PDE4B: variants seen among roughly 807,000 people sequenced by gnomAD.
PDE4B encodes the protein phosphodiesterase 4B.
A neutral mutation model predicts 82.2 loss-of-function variants in PDE4B; 20 were observed. The ratio of observed to expected loss-of-function variants is 0.24; its 90% CI spans 0.17 to 0.35. The LOEUF (loss-of-function observed/expected upper bound fraction) is 0.35. Among genes scored for constraint, PDE4B ranks in the 10% least tolerant of loss-of-function variants. The probability of loss-of-function intolerance (pLI) is 1.00; values close to 1 mark genes in which losing one functional copy is unlikely to be tolerated. For missense variants in PDE4B, 655 were observed against 907.2 expected (o/e 0.72, Z 3.57); for synonymous variants, 320 against 318.9 (o/e 1.00, Z -0.04).
At chr1:65,865,508 ACCCAGGG>A (rs1452527143) in intron 1 of PDE4B, among the ~76,000 whole-genome samples, 1 of 151,810 alleles carries the variant, frequency 6.6e-6, no homozygotes, top group Non-Finnish European at 1.5e-5. Flanking sequence ...TTTGCTTGAA[ACCCAGGG>A]CCCTGGTGGT....
intron 3 of PDE4B, among the ~76,000 whole-genome samples, chr1:66,038,034 A>G (rs993585390): frequency 6.7e-6 from 1 of 150,346 alleles, no homozygotes; most frequent in African/African-American, 2.5e-5. Context: ...AAAATTGGGG[A>G]CAGTTTTCCA....
chr1:66,224,556 T>G (rs1284041979), intron 3 of PDE4B, among the ~76,000 whole-genome samples: 1 of 152,110 alleles, frequency 6.6e-6, no homozygotes, highest in Non-Finnish European at 1.5e-5. Context: ...CCGTCTCTAC[T>G]AAAACTAAAA....
chr1:65,958,757 C>G (rs1010511667), intron 3 of PDE4B, among the ~76,000 whole-genome samples: 1 of 149,224 alleles, frequency 6.7e-6, no homozygotes, highest in Non-Finnish European at 1.5e-5. Flanking sequence ...CACGCGCGCG[C>G]GCGCGCGCAC....
intron 12 of PDE4B, among the ~76,000 whole-genome samples, chr1:66,363,781 TA>T (rs915487620): frequency 6.6e-6 from 1 of 151,678 alleles, no homozygotes; most frequent in Non-Finnish European, 1.5e-5. Flanking sequence ...AAAATAAAAA[TA>T]AAAAAAATTT....
chr1:65,865,288 A>G (rs547958979), intron 1 of PDE4B, among the ~76,000 whole-genome samples: 4 of 152,218 alleles, frequency 2.6e-5, no homozygotes, highest in Admixed American at 1.3e-4. Flanking sequence ...TGAGAATTTC[A>G]AGCCAGTGGT....
chr1:65,888,009 A>G lies in PDE4B; in HGVS notation c.-70-25236A>G, dbSNP rs572149860. 2.6e-5 allele frequency among the ~76,000 whole-genome samples: 4 copies of G among 152,260 alleles called. No individual in the cohort carries two copies. In the South Asian group the frequency reaches 8.3e-4, roughly 32 times the overall value. On this transcript the variant is annotated intron_variant, in intron 1 of 16. Coordinates refer to ENST00000341517, the MANE Select transcript of PDE4B (RefSeq NM_002600.4). ...TGCCCGTGCTTTTGAGGTCTTAGCCATAAAATCTTTTCTAGACCTATGTCC... is the reference window on the plus strand; with the variant it reads ...TGCCCGTGCTTTTGAGGTCTTAGCCGTAAAATCTTTTCTAGACCTATGTCC...
At chr1:65,990,855 A>G (rs912902208) in intron 3 of PDE4B, among the ~76,000 whole-genome samples, 3 of 152,180 alleles carry the variant, frequency 2.0e-5, no homozygotes, top group Non-Finnish European at 2.9e-5. Context: ...CTAAAATTCT[A>G]TAACTGTGCT....
chr1:66,138,210 A>G (rs149777482), intron 3 of PDE4B, among the ~76,000 whole-genome samples: 1 of 152,320 alleles, frequency 6.6e-6, no homozygotes, highest in East Asian at 1.9e-4. Flanking sequence ...CAAAAGCCAG[A>G]TGATATAACA....
At chr1:66,146,017 T>C (rs1646261183) in intron 3 of PDE4B, among the ~76,000 whole-genome samples, 2 of 152,100 alleles carry the variant, frequency 1.3e-5, no homozygotes, top group African/African-American at 4.8e-5. Flanking sequence ...AGGAAGGCAT[T>C]TGACAGGTTA....
chr1:66,275,153 C>T (rs190118904), intron 7 of PDE4B, among the ~76,000 whole-genome samples: 18 of 152,314 alleles, frequency 1.2e-4, no homozygotes, highest in African/African-American at 3.4e-4. Context: ...TTACTTAGGA[C>T]TTCTGGTAAA....
In PDE4B at chr1:66,042,518, A is replaced by T. The variant is rs554220560; in HGVS notation, c.281+123683A>T. The T allele has an allele frequency of 7.9e-5, 12 of 151,944 alleles. No homozygotes were observed. In the South Asian group the frequency reaches 2.5e-3, roughly 32 times the overall value. The allele number at this position is 151,944 out of a possible 1,614,324, so 9.4% of individuals were successfully genotyped here. ...TCTGAAATACATTTTTGAATGAGGT[A>T]TTTATTTATTGAATTCAAAGGGCAG... On this transcript the variant is annotated intron_variant, in intron 3 of 16. Transcript: ENST00000341517.
At chr1:66,222,363 A>G (rs78588817) in intron 3 of PDE4B, among the ~76,000 whole-genome samples, 1,971 of 152,320 alleles carry the variant, frequency 0.013, 20 homozygotes, top group Non-Finnish European at 0.019. Flanking sequence ...TTTAATGACA[A>G]TATTTAATTC....
At chr1:65,926,682 A>G (rs762350524) in intron 3 of PDE4B, among the ~76,000 whole-genome samples, 2 of 152,068 alleles carry the variant, frequency 1.3e-5, no homozygotes, top group Admixed American at 6.6e-5. Context: ...CTTCCTTTGT[A>G]CTTGTAGGCC....
rs540701315 is a variant in PDE4B at position 66,198,766 on chromosome 1, C to G, written c.282-48694C>G. Among the ~76,000 whole-genome samples, 5 of 152,104 alleles carry G rather than the reference C, an allele frequency of 3.3e-5. No homozygotes were observed. The South Asian group carries it at 6.3e-4, about 19-fold the overall frequency. ...CTAATGCTATCCCTCCCCCTTCCCC[C>G]CACCCCACAACAGTCCCTGGAGTGT... On this transcript the variant is annotated intron_variant, in intron 3 of 16. Coordinates refer to ENST00000341517, the MANE Select transcript of PDE4B (RefSeq NM_002600.4).
chr1:66,315,680 G>A (rs576400871), intron 7 of PDE4B, among the ~76,000 whole-genome samples: 14 of 152,142 alleles, frequency 9.2e-5, no homozygotes, highest in East Asian at 7.7e-4. Context: ...GGCTGGTCTC[G>A]AATTCCTGAC....
At chr1:66,254,998 T>A (rs1458426898) in intron 4 of PDE4B, among the ~76,000 whole-genome samples, 1 of 152,050 alleles carries the variant, frequency 6.6e-6, no homozygotes, top group Non-Finnish European at 1.5e-5. Flanking sequence ...GGCTCCTTTC[T>A]CTCTCCTCTC....
At chr1:65,984,776 A>AAT (rs770357296) in intron 3 of PDE4B, among the ~76,000 whole-genome samples, 1 of 152,042 alleles carries the variant, frequency 6.6e-6, no homozygotes, top group Non-Finnish European at 1.5e-5. Flanking sequence ...AAACAAACAA[A>AAT]ATATATATAT....
At chr1:66,079,565 C>T (rs981896378) in intron 3 of PDE4B, among the ~76,000 whole-genome samples, 2 of 152,048 alleles carry the variant, frequency 1.3e-5, no homozygotes, top group Non-Finnish European at 2.9e-5. Flanking sequence ...AAAGAAACTT[C>T]AGAGAATTCA....
At chr1:66,118,821 T>G (rs1645650915) in intron 3 of PDE4B, among the ~76,000 whole-genome samples, 1 of 152,204 alleles carries the variant, frequency 6.6e-6, no homozygotes, top group Non-Finnish European at 1.5e-5. Context: ...CGTGCCCTAT[T>G]TTTTCTTTCT....
Sources: gnomAD v4.1 joint callset for allele counts (sites outside exome capture counted in the v4.1 genomes callset) on GRCh38, gnomAD v4.1.1 for gene constraint, MANE v1.5 for transcripts, NCBI Gene and HGNC (gene_info 2026-07-23, HGNC 2026-07-21) for gene names.